Variants in AGMO observed in about 807,000 individuals in gnomAD.
The protein encoded by AGMO is glyceryl-ether monooxygenase.
A neutral mutation model predicts 60.2 loss-of-function variants in AGMO; 75 were observed. That is an observed-to-expected ratio of 1.25 (90% CI 1.03 to 1.51). The LOEUF is 1.51. Among genes scored for constraint, AGMO ranks in the 40% most tolerant of loss-of-function variants. The pLI is 0.00. For missense variants in AGMO, 763 were observed against 525.5 expected (o/e 1.45, Z -4.42); for synonymous variants, 261 against 177.1 (o/e 1.47, Z -3.76).
the AGMO span, among the ~76,000 whole-genome samples, chr7:15,118,075 T>C: frequency 2.6e-5 from 4 of 151,746 alleles, no homozygotes; most frequent in African/African-American, 4.8e-5. Context: ...GTAATGTTGC[T>C]TGAAAAGTTG....
At chr7:15,196,303 C>T (rs1482596755), downstream of AGMO, among the ~76,000 whole-genome samples, 5 of 152,108 alleles carry the variant, frequency 3.3e-5, no homozygotes, top group African/African-American at 1.2e-4. Flanking sequence ...CCCAACTTGG[C>T]CTCCCAAAGT....
intron 3 of AGMO, among the ~76,000 whole-genome samples, chr7:15,493,478 A>G (rs541512191): frequency 1.4e-5 from 2 of 140,282 alleles, no homozygotes; most frequent in East Asian, 4.3e-4. Flanking sequence ...GGTTCACGCC[A>G]TTCTCCTGCC....
intron 12 of AGMO, among the ~76,000 whole-genome samples, chr7:15,244,339 TTCTC>T (rs1436371082): frequency 1.3e-5 from 2 of 152,174 alleles, no homozygotes; most frequent in African/African-American, 4.8e-5. Flanking sequence ...TTTATGAACA[TTCTC>T]TCCCTTTTTT....
At chr7:15,235,364 G>A (rs561753761) in intron 12 of AGMO, among the ~76,000 whole-genome samples, 1 of 152,210 alleles carries the variant, frequency 6.6e-6, no homozygotes, top group African/African-American at 2.4e-5. Context: ...TGTGTAGTAA[G>A]TGTCCACTGA....
chr7:15,532,286 A>C (rs1375713763), intron 3 of AGMO, among the ~76,000 whole-genome samples: 2 of 152,282 alleles, frequency 1.3e-5, no homozygotes, highest in Middle Eastern at 3.4e-3. Flanking sequence ...ATTTAATGAA[A>C]ATTTTTAATT....
chr7:15,541,357 T>C (rs981438296), intron 3 of AGMO, among the ~76,000 whole-genome samples: 2 of 152,118 alleles, frequency 1.3e-5, no homozygotes, highest in Admixed American at 6.6e-5. Flanking sequence ...CCTGACCTCA[T>C]GATCCGCCAG....
chr7:15,392,824 AAACAAAC>A (rs751343887), intron 6 of AGMO, among the ~76,000 whole-genome samples: 34 of 148,566 alleles, frequency 2.3e-4, no homozygotes, highest in South Asian at 1.9e-3. Context: ...ACAAACAAAC[AAACAAAC>A]AACTTTAAAT....
intron 5 of AGMO, among the ~76,000 whole-genome samples, chr7:15,417,130 T>G (rs2128493928): frequency 6.6e-6 from 1 of 152,342 alleles, no homozygotes; most frequent in Middle Eastern, 3.4e-3. Context: ...TTTCAGAAGA[T>G]GTGTTCTTGC....
At chr7:15,368,619 G>A (rs187487463) in intron 10 of AGMO, among the ~76,000 whole-genome samples, 2 of 152,068 alleles carry the variant, frequency 1.3e-5, no homozygotes, top group Non-Finnish European at 2.9e-5. Flanking sequence ...AAGAGTGTTT[G>A]GCACAGAGTA....
intron 2 of AGMO, among the ~76,000 whole-genome samples, chr7:15,550,461 A>G (rs1246773902): frequency 2.6e-5 from 4 of 152,142 alleles, no homozygotes; most frequent in Non-Finnish European, 2.9e-5. Context: ...TCAAATAGAC[A>G]CTATAAAAAA....
intron 12 of AGMO, among the ~76,000 whole-genome samples, chr7:15,257,964 C>G (rs1002881837): frequency 4.5e-4 from 68 of 152,214 alleles, no homozygotes; most frequent in African/African-American, 1.3e-3. Context: ...TGTAGTTAAC[C>G]AAAACCGCAT....
At chr7:15,387,347 T>C in intron 9 of AGMO, 59 bp downstream of exon 9, 1 of 1,580,886 alleles carries the variant, frequency 6.3e-7, no homozygotes, top group Non-Finnish European at 8.6e-7. Flanking sequence ...ACAGGCTGGC[T>C]GTAGACCTGA....
chr7:15,210,837 T>G (rs1349865407), intron 12 of AGMO, among the ~76,000 whole-genome samples: 2 of 152,044 alleles, frequency 1.3e-5, no homozygotes, highest in Non-Finnish European at 2.9e-5. Context: ...ATTAGACCCT[T>G]TCAAATAAAA....
At chr7:15,469,020 C>T (rs1359577968) in intron 3 of AGMO, among the ~76,000 whole-genome samples, 1 of 152,046 alleles carries the variant, frequency 6.6e-6, no homozygotes, top group Non-Finnish European at 1.5e-5. Context: ...AATTTGCATA[C>T]ATTTAAACTC....
chr7:15,316,396 A>G (rs1780926316), intron 12 of AGMO, among the ~76,000 whole-genome samples: 1 of 152,146 alleles, frequency 6.6e-6, no homozygotes, highest in African/African-American at 2.4e-5. Context: ...GAAATACAGA[A>G]AACTGGGGGC....
chr7:15,364,349 C>T (rs772607287), intron 12 of AGMO, among the ~76,000 whole-genome samples: 60 of 152,004 alleles, frequency 3.9e-4, no homozygotes, highest in Non-Finnish European at 7.1e-4. Context: ...TCTCCCTCTC[C>T]CTGTTTTTAT....
chr7:15,317,920 CACACACGTATATATATATAT>C (rs1780982826), intron 12 of AGMO, among the ~76,000 whole-genome samples: 1 of 141,724 alleles, frequency 7.1e-6, no homozygotes, highest in African/African-American at 2.8e-5. Flanking sequence ...TATATATATA[CACACACGTATATATATATAT>C]ACACACACAC....
chr7:15,493,622 G>T (rs912825236), intron 3 of AGMO, among the ~76,000 whole-genome samples: 1 of 151,668 alleles, frequency 6.6e-6, no homozygotes, highest in Non-Finnish European at 1.5e-5. Context: ...TGATCCGCCC[G>T]CCTCGGCCTC....
At chr7:15,126,579 T>C in the AGMO span, among the ~76,000 whole-genome samples, 1 of 152,140 alleles carries the variant, frequency 6.6e-6, no homozygotes, top group Middle Eastern at 3.4e-3. Context: ...TGTCTAAGGG[T>C]CTGGGGAGTC....
Sources: gnomAD v4.1 joint callset for allele counts (sites outside exome capture counted in the v4.1 genomes callset) on GRCh38, gnomAD v4.1.1 for gene constraint, MANE v1.5 for transcripts, NCBI Gene and HGNC (gene_info 2026-07-23, HGNC 2026-07-21) for gene names.